The following ADGRL2 variants were observed in gnomAD, a reference collection of about 807,000 sequenced individuals.
The protein encoded by ADGRL2 is adhesion G protein-coupled receptor L2.
In ADGRL2, 44 loss-of-function variants were observed where a neutral mutation model predicts 157.4. The ratio of observed to expected loss-of-function variants is 0.28; its 90% CI spans 0.22 to 0.36. ADGRL2 has a LOEUF of 0.36. Among genes scored for constraint, ADGRL2 ranks in the 10% least tolerant of loss-of-function variants. The probability of loss-of-function intolerance (pLI) is 1.00; values close to 1 mark genes in which losing one functional copy is unlikely to be tolerated. For synonymous variants in ADGRL2, 585 were observed against 624.7 expected (o/e 0.94, Z 0.95); for missense variants, 1,510 against 1,768.9 (o/e 0.85, Z 2.63).
chr1:81,542,078 T>A (rs2079899437), intron 2 of ADGRL2, among the ~76,000 whole-genome samples: 1 of 152,208 alleles, frequency 6.6e-6, no homozygotes, highest in Middle Eastern at 3.2e-3. Flanking sequence ...CTTAAATTAC[T>A]CTTTCAGGTA....
rs138444613 is a variant in ADGRL2, at chr1:81,496,476, C to T, written c.-248+51387C>T. On this transcript the variant is annotated intron_variant, in intron 2 of 24. Transcript: ENST00000370721. The stretch of plus-strand genomic sequence containing the variant: ...TGAATTCACCTAGTGACCACCTCTT[C>T]TGTGGATTTGAAAAGAGATGGGTCG... 2.3e-3 allele frequency among the ~76,000 whole-genome samples: 349 copies of T among 152,288 alleles called. 1 individual carries two copies. Among genetic ancestry groups the T allele is most frequent in the African/African-American group, 8.0e-3 (333 of 41,562 alleles).
chr1:81,729,535 T>C (rs1328871919), intron 1 of ADGRL2, among the ~76,000 whole-genome samples: 1 of 152,230 alleles, frequency 6.6e-6, no homozygotes, highest in East Asian at 1.9e-4. Context: ...AGCAAAATGA[T>C]TCATTGAAAC....
chr1:81,649,810 A>G (rs1370224260), intron 3 of ADGRL2, among the ~76,000 whole-genome samples: 2 of 152,304 alleles, frequency 1.3e-5, no homozygotes, highest in East Asian at 1.9e-4. Context: ...ATTCTCAGCC[A>G]CTGCATCTGA....
intron 1 of ADGRL2, among the ~76,000 whole-genome samples, chr1:81,398,691 T>C (rs1034953774): frequency 6.6e-6 from 1 of 152,174 alleles, no homozygotes; most frequent in African/African-American, 2.4e-5. Flanking sequence ...TTTCTTTCCT[T>C]TTCTTCTTCT....
chr1:81,520,667 C>T (rs1453703975), intron 2 of ADGRL2, among the ~76,000 whole-genome samples: 1 of 152,168 alleles, frequency 6.6e-6, no homozygotes, highest in East Asian at 1.9e-4. Context: ...GTACCTGCTT[C>T]CCCTTCTGCC....
At position 81,416,416 on chromosome 1, in the gene ADGRL2, T is replaced by C. The variant is rs1478752752; in HGVS notation, c.-301-28620T>C. ...ATTAACAGAGACTTGCTAAAGAGTT[T>C]TTATGGTTATACTTCAGCTTGTTCC... On this transcript the variant is annotated intron_variant, in intron 1 of 24. Coordinates refer to the ADGRL2 transcript ENST00000370721. Among the ~76,000 whole-genome samples the C allele has an allele frequency of 2.6e-5, 4 of 152,134 alleles. No individual in the cohort carries two copies. The East Asian group carries it at 7.7e-4, about 29-fold the overall frequency.
chr1:81,516,537 C>G (rs896337356), intron 2 of ADGRL2, among the ~76,000 whole-genome samples: 7 of 152,130 alleles, frequency 4.6e-5, no homozygotes, highest in African/African-American at 1.7e-4. Context: ...ATGAATAAGG[C>G]TAGTTTTATA....
chr1:81,478,843 T>A (rs1363569808), intron 2 of ADGRL2, among the ~76,000 whole-genome samples: 3 of 150,836 alleles, frequency 2.0e-5, no homozygotes, highest in African/African-American at 4.9e-5. Flanking sequence ...TTATTTGAGT[T>A]TTTTTTTTCT....
In ADGRL2 at chr1:81,771,771, C is replaced by G. The variant is rs1571157801; in HGVS notation, c.-101+9919C>G. Among the ~76,000 whole-genome samples, 3 of 151,816 alleles carry G rather than the reference C, an allele frequency of 2.0e-5. No homozygotes were observed. In the South Asian group the frequency reaches 6.2e-4, roughly 32 times the overall value. Reference sequence around the variant, plus strand: ...ATAAAATTCCAGGAGTATACGCCCACAGTTAGAAATCACAAACACACTGGA... The same window carrying G: ...ATAAAATTCCAGGAGTATACGCCCAGAGTTAGAAATCACAAACACACTGGA... On this transcript the variant is annotated intron_variant, in intron 2 of 20. Transcript: ENST00000359929.
intron 1 of ADGRL2, among the ~76,000 whole-genome samples, chr1:81,325,893 G>T (rs989831972): frequency 3.3e-5 from 5 of 152,138 alleles, no homozygotes; most frequent in Non-Finnish European, 5.9e-5. Flanking sequence ...ATGAGAAATG[G>T]TGATGATTTA....
intron 2 of ADGRL2, among the ~76,000 whole-genome samples, chr1:81,903,771 CATT>C (rs1392985026): frequency 2.8e-5 from 4 of 143,842 alleles, no homozygotes; most frequent in African/African-American, 1.0e-4. Context: ...TATATATACA[CATT>C]ATATATATAC....
chr1:81,708,460 G>C (rs1443606777), intron 1 of ADGRL2, among the ~76,000 whole-genome samples: 1 of 152,104 alleles, frequency 6.6e-6, no homozygotes, highest in Non-Finnish European at 1.5e-5. Flanking sequence ...GACTGAATGA[G>C]GAAGTGGGAA....
chr1:81,380,450 A>G (rs1490964836), intron 1 of ADGRL2, among the ~76,000 whole-genome samples: 1 of 152,174 alleles, frequency 6.6e-6, no homozygotes, highest in Non-Finnish European at 1.5e-5. Flanking sequence ...CTAAACAAAG[A>G]TCTAGCTATT....
At chr1:81,790,418 T>G (rs955120192) in intron 2 of ADGRL2, among the ~76,000 whole-genome samples, 1 of 152,216 alleles carries the variant, frequency 6.6e-6, no homozygotes, top group Non-Finnish European at 1.5e-5. Context: ...CAAATTTTCA[T>G]TGTAATTACT....
Position 81,493,133 on chromosome 1 carries a change from G to C in ADGRL2, c.-248+48044G>C, listed in dbSNP as rs546309679. 4.6e-5 allele frequency among the ~76,000 whole-genome samples: 7 copies of C among 152,282 alleles called. No individual in the cohort carries two copies. In the South Asian group the frequency reaches 1.4e-3, roughly 32 times the overall value. The stretch of plus-strand genomic sequence containing the variant: ...ATGTGATATAGTTCTAAGAAGCAGA[G>C]TCATTCAGCCTCCAACAGGTTTGTG... On this transcript the variant is annotated intron_variant, in intron 2 of 24. Coordinates refer to the ADGRL2 transcript ENST00000370721.
chr1:81,929,830 C>T (rs562220990), intron 3 of ADGRL2, among the ~76,000 whole-genome samples: 8 of 152,148 alleles, frequency 5.3e-5, no homozygotes, highest in East Asian at 1.9e-4. Flanking sequence ...TTTTTGGTGG[C>T]GGTGGTGGTA....
intron 1 of ADGRL2, among the ~76,000 whole-genome samples, chr1:81,820,703 G>A (rs2090900047): frequency 6.7e-6 from 1 of 148,662 alleles, no homozygotes; most frequent in African/African-American, 2.5e-5. Context: ...CTGATATTGA[G>A]AACAGGAAGT....
chr1:81,740,539 C>T (rs1259474449), intron 1 of ADGRL2, among the ~76,000 whole-genome samples: 1 of 152,138 alleles, frequency 6.6e-6, no homozygotes, highest in Non-Finnish European at 1.5e-5. Flanking sequence ...TGAACAATTG[C>T]ACTAAATAAT....
chr1:81,329,748 T>A (rs1363585308), intron 1 of ADGRL2, among the ~76,000 whole-genome samples: 1 of 152,170 alleles, frequency 6.6e-6, no homozygotes, highest in Non-Finnish European at 1.5e-5. Context: ...TTTGAGATGA[T>A]AGGCATCTAA....
Sources: allele counts gnomAD v4.1 joint callset (sites outside exome capture counted in the v4.1 genomes callset), GRCh38; gene constraint gnomAD v4.1.1; transcripts MANE v1.5; gene names NCBI Gene and HGNC (gene_info 2026-07-23, HGNC 2026-07-21).